The following NSD2 variants were observed in gnomAD, a reference collection of about 807,000 sequenced individuals.
NSD2 encodes the protein histone-lysine N-methyltransferase NSD2.
In NSD2, 12 loss-of-function variants were observed where a neutral mutation model predicts 139.0. That is an observed-to-expected ratio of 0.09 (90% confidence interval 0.06 to 0.14). The LOEUF is 0.14. Among genes scored for constraint, NSD2 ranks in the 10% least tolerant of loss-of-function variants. The pLI is 1.00. For synonymous variants in NSD2, 669 were observed against 648.7 expected (o/e 1.03, Z -0.48); for missense variants, 1,155 against 1,745.0 (o/e 0.66, Z 6.02).
intron 3 of NSD2, 53 bp from the exon 4 acceptor site, chr4:1,916,818 G>A: frequency 6.4e-7 from 1 of 1,560,802 alleles, no homozygotes; most frequent in South Asian, 1.2e-5. Context: ...GATTTGACTA[G>A]TTTCATCCCA....
rs186142087 is a variant in NSD2 at position 1,923,159 on chromosome 4, A to G, written c.1410+4536A>G. Among the ~76,000 whole-genome samples, 14 of 151,990 alleles carry G rather than the reference A, an allele frequency of 9.2e-5. No homozygotes were observed. In the East Asian group the frequency reaches 2.7e-3, roughly 30 times the overall value. On this transcript the variant is annotated intron_variant, in intron 5 of 21. Coordinates refer to ENST00000508803, the MANE Select transcript of NSD2 (RefSeq NM_001042424.3). ...GATTTCTTAAATAAGCCAAACTAATAACAGGCTATAAAGGCTATAAAACTA... is the reference window on the plus strand; with the variant it reads ...GATTTCTTAAATAAGCCAAACTAATGACAGGCTATAAAGGCTATAAAACTA...
At position 1,893,536 on chromosome 4, in the gene NSD2, G is replaced by T. The variant is rs971812430; in HGVS notation, c.-29-7090G>T. Among the ~76,000 whole-genome samples the T allele has an allele frequency of 8.1e-4, 118 of 146,324 alleles. No individual in the cohort carries two copies. The highest frequency in any genetic ancestry group is 1.6e-3 in the African/African-American group (61 of 38,718). On this transcript the variant is annotated intron_variant, in intron 1 of 21. Coordinates refer to ENST00000508803, the MANE Select transcript of NSD2 (RefSeq NM_001042424.3). ...CAAGATGTATTTTGCCTCTTTTTTT[G>T]TTTTTTGTTTTTTTTTTTTTTTTGT...
At chr4:1,935,909 G>A (rs957770974) in intron 7 of NSD2, among the ~76,000 whole-genome samples, 3 of 151,872 alleles carry the variant, frequency 2.0e-5, no homozygotes, top group Non-Finnish European at 4.4e-5. Context: ...CTCTCTATAG[G>A]GCTTATTATT....
intron 17 of NSD2, among the ~76,000 whole-genome samples, chr4:1,960,374 C>G (rs1725245084): frequency 6.6e-6 from 1 of 152,192 alleles, no homozygotes. Context: ...AAGGAGATTG[C>G]TCTTGTGAGG....
intron 5 of NSD2, among the ~76,000 whole-genome samples, chr4:1,926,150 ATTTTTTTTT>A (rs35448464): frequency 1.8e-4 from 22 of 121,536 alleles, no homozygotes; most frequent in Admixed American, 3.4e-4. Context: ...TTGGGCCTGA[ATTTTTTTTT>A]TTTTTTTTTT....
chr4:1,885,222 C>G (rs1195491998), intron 1 of NSD2, among the ~76,000 whole-genome samples: 1 of 152,150 alleles, frequency 6.6e-6, no homozygotes, highest in East Asian at 1.9e-4. Flanking sequence ...GAATGCATGT[C>G]TATTTTTTAT....
Position 1,955,862 on chromosome 4 carries a change from G to T in NSD2, c.2675+13G>T. The T allele has an allele frequency of 6.2e-7, 1 of 1,612,862 alleles. No homozygotes were observed. Among genetic ancestry groups the T allele is most frequent in the Non-Finnish European group, 8.5e-7 (1 of 1,178,862 alleles). ...TTGGGAACTACAGGTGTGAGACATA[G>T]AATCGTATGCTTTTATGTCTTTTCT... On this transcript the variant is annotated intron_variant, in intron 14 of 21. Transcript: ENST00000508803. This position sits in a 1 kb window ranked among gnomAD's most constrained non-coding sequence, Gnocchi z 4.7.
At chr4:1,946,135 C>T in intron 9 of NSD2, 3 of 1,027,864 alleles carry the variant, frequency 2.9e-6, no homozygotes, top group African/African-American at 1.7e-5. Context: ...GATGATAAAG[C>T]TAAATTATAG....
In NSD2 at chr4:1,939,658, G is replaced by A. The variant is rs756747615; in HGVS notation, c.1761G>A (p.Thr587=). 5.6e-6 allele frequency: 9 copies of A among 1,613,910 alleles called. No homozygotes were observed. Among genetic ancestry groups the A allele is most frequent in the African/African-American group, 1.3e-5 (1 of 74,942 alleles). ...CAAACCAAAATTATTTTACAGCAACGAAAAATCTGTCTGATGCATGTAAAC... is the reference window on the plus strand; with the variant it reads ...CAAACCAAAATTATTTTACAGCAACAAAAAATCTGTCTGATGCATGTAAAC... ...AASSLKSQAA[T]KNLSDACKPL... is the part of the protein sequence containing the mutation. The change falls in exon 9 of 22, where the codon ACG becomes ACA. Residue 587 remains threonine, a synonymous_variant. Coordinates refer to ENST00000508803, the MANE Select transcript of NSD2 (RefSeq NM_001042424.3).
chr4:1,973,923 ATGT>A lies in NSD2; in HGVS notation c.3373-936_3373-934del, dbSNP rs773424310. Among the ~76,000 whole-genome samples, 259 of 152,034 alleles carry A rather than the reference ATGT, an allele frequency of 1.7e-3. 2 individuals are homozygous for A. Among genetic ancestry groups the A allele is most frequent in the Admixed American group, 3.5e-3 (53 of 15,270 alleles). On this transcript the variant is annotated intron_variant, in intron 18 of 21. Transcript: ENST00000508803. This position sits in a 1 kb window ranked among gnomAD's most constrained non-coding sequence, Gnocchi z 5.5. ...GTCCATTCCCTGCTGCTGGGTGGAG[ATGT>A]TGTCTCCAGTTCCTGCCTTTGGCCT...
At chr4:1,925,008 A>G (rs1720674600) in intron 5 of NSD2, among the ~76,000 whole-genome samples, 1 of 152,220 alleles carries the variant, frequency 6.6e-6, no homozygotes, top group Non-Finnish European at 1.5e-5. Flanking sequence ...TGTAAGGCCC[A>G]TGGGGCCTCC....
chr4:1,886,844 A>C (rs1377825583), intron 1 of NSD2, among the ~76,000 whole-genome samples: 4 of 152,146 alleles, frequency 2.6e-5, no homozygotes, highest in African/African-American at 9.7e-5. Context: ...TCTCAAAAAA[A>C]AAATAACTTG....
In NSD2 at chr4:1,955,614, G is replaced by A; in HGVS notation, c.2519-79G>A. 1.4e-6 allele frequency: 2 copies of A among 1,481,174 alleles called. No individual in the cohort carries two copies. The highest frequency in any genetic ancestry group is 1.8e-6 in the Non-Finnish European group (2 of 1,110,364). 91.8% of individuals were successfully genotyped at this position (1,481,174 alleles called of 1,614,324 possible). ...TGTTTATAAGTTAAGGCTGTAATAA[G>A]TGTAGACTGTGAAGCACTGAATCTG... is the stretch of plus-strand genomic sequence containing the variant. On this transcript the variant is annotated intron_variant, in intron 13 of 21. Coordinates refer to ENST00000508803, the MANE Select transcript of NSD2 (RefSeq NM_001042424.3). This position sits in a 1 kb window ranked among gnomAD's most constrained non-coding sequence, Gnocchi z 4.7.
intron 7 of NSD2, among the ~76,000 whole-genome samples, chr4:1,937,375 G>A (rs1006256110): frequency 2.6e-5 from 4 of 151,980 alleles, no homozygotes; most frequent in African/African-American, 9.7e-5. Context: ...TATTAAAGCA[G>A]CCCTTTGCTG....
chr4:1,978,409 A>G (rs1271452345), intron 21 of NSD2, among the ~76,000 whole-genome samples: 2 of 152,056 alleles, frequency 1.3e-5, no homozygotes, highest in Non-Finnish European at 2.9e-5. Flanking sequence ...ACATAAAGAG[A>G]CGCTAACAGG....
At chr4:1,872,665 T>C (rs1044271484) in intron 1 of NSD2, among the ~76,000 whole-genome samples, 65 of 127,434 alleles carry the variant, frequency 5.1e-4, no homozygotes, top group African/African-American at 1.9e-3. Context: ...ACAAGACTAA[T>C]TGGATAAAGT....
rs572980332 is a variant in NSD2, at chr4:1,940,123, G to A, written c.1881+345G>A. The A allele has an allele frequency of 4.4e-5, 51 of 1,152,466 alleles. 1 individual carries two copies. The South Asian group carries it at 8.2e-4, about 18-fold the overall frequency. 71.4% of individuals were successfully genotyped at this position (1,152,466 alleles called of 1,614,324 possible). On this transcript the variant is annotated intron_variant, in intron 9 of 21. Coordinates refer to ENST00000508803, the MANE Select transcript of NSD2 (RefSeq NM_001042424.3). ...AGAGTTCACATGGAAGTAAGTCTGC[G>A]TTGGTTCTGAAAGGGCACAGTGTCA...
chr4:1,969,982 C>T lies in NSD2; in HGVS notation c.3373-4881C>T, dbSNP rs186356919. Among the ~76,000 whole-genome samples the T allele has an allele frequency of 1.1e-3, 165 of 152,192 alleles. 1 individual carries two copies. The highest frequency in any genetic ancestry group is 3.9e-3 in the African/African-American group (162 of 41,508). On this transcript the variant is annotated intron_variant, in intron 18 of 21. Transcript: ENST00000508803. ...TAGAGAGTAGGAACCACAAGAACGG[C>T]ACGAAGGTGGATGTGGGGAGTGAGC...
chr4:1,877,171 A>C (rs987105569), intron 1 of NSD2, among the ~76,000 whole-genome samples: 11 of 151,916 alleles, frequency 7.2e-5, no homozygotes, highest in Non-Finnish European at 1.0e-4. Context: ...CTTTTAGAGG[A>C]TCTGTGCATG....
Sources: gnomAD v4.1 joint callset for allele counts (sites outside exome capture counted in the v4.1 genomes callset) on GRCh38, gnomAD v4.1.1 for gene constraint, Gnocchi (gnomAD v3.1) non-coding constraint, MANE v1.5 for transcripts, NCBI Gene and HGNC (gene_info 2026-07-23, HGNC 2026-07-21) for gene names.